The following NBEA variants were observed in gnomAD, a reference collection of about 807,000 sequenced individuals.
NBEA encodes lysosomal-trafficking regulator 2.
In NBEA, 44 loss-of-function variants were observed where a neutral mutation model predicts 343.4. That is an observed-to-expected ratio of 0.13 (90% confidence interval 0.10 to 0.16). The LOEUF is 0.16. Among genes scored for constraint, NBEA ranks in the 10% least tolerant of loss-of-function variants. The probability of loss-of-function intolerance (pLI) is 1.00; values close to 1 mark genes in which losing one functional copy is unlikely to be tolerated. For missense variants in NBEA, 2,555 were observed against 3,631.3 expected, an observed-to-expected ratio of 0.70 and a Z score of 7.62; for synonymous variants, 1,175 against 1,238.7, an observed-to-expected ratio of 0.95 and a Z score of 1.08.
chr13:35,353,588 C>G (rs921688980), intron 38 of NBEA, among the ~76,000 whole-genome samples: 11 of 152,154 alleles, frequency 7.2e-5, no homozygotes, highest in African/African-American at 2.4e-4. Flanking sequence ...TTAAAATAGT[C>G]AGCATTTAAT....
intron 24 of NBEA, chr13:35,165,106 G>A (rs150919733): frequency 1.1e-4 from 61 of 533,886 alleles, no homozygotes; most frequent in Admixed American, 4.5e-4. Context: ...TCTTGTTGCC[G>A]TATTAGAAAC....
At chr13:35,136,851 A>T (rs989149062) in intron 17 of NBEA, among the ~76,000 whole-genome samples, 1 of 152,240 alleles carries the variant, frequency 6.6e-6, no homozygotes, top group Non-Finnish European at 1.5e-5. Flanking sequence ...AGTCAAAAGA[A>T]AAACCACAAA....
At chr13:35,367,907 GA>G (rs1192511680) in intron 38 of NBEA, among the ~76,000 whole-genome samples, 2 of 151,384 alleles carry the variant, frequency 1.3e-5, no homozygotes, top group Admixed American at 6.6e-5. Flanking sequence ...ACATGCATAC[GA>G]AGTGGACAAC....
intron 35 of NBEA, among the ~76,000 whole-genome samples, chr13:35,303,221 A>G (rs1473355350): frequency 6.6e-6 from 1 of 152,128 alleles, no homozygotes; most frequent in Non-Finnish European, 1.5e-5. Flanking sequence ...TTCGTTTTCT[A>G]TAGGATTAAA....
At chr13:34,956,981 T>G (rs772233240) in intron 1 of NBEA, among the ~76,000 whole-genome samples, 1 of 152,052 alleles carries the variant, frequency 6.6e-6, no homozygotes. Context: ...TCAGATTCTT[T>G]AGTTCTGTTT....
intron 38 of NBEA, among the ~76,000 whole-genome samples, chr13:35,420,155 C>G (rs2152922914): frequency 6.6e-6 from 1 of 152,042 alleles, no homozygotes; most frequent in East Asian, 1.9e-4. Flanking sequence ...AATTTCAGTA[C>G]TCTGTTGAGT....
intron 34 of NBEA, among the ~76,000 whole-genome samples, chr13:35,274,843 A>G (rs950793605): frequency 3.3e-5 from 5 of 152,344 alleles, no homozygotes; most frequent in African/African-American, 9.6e-5. Flanking sequence ...CCACTGCTCA[A>G]TGAAATAAAA....
chr13:35,117,422 C>T lies in NBEA; in HGVS notation c.2011C>T (p.Arg671Trp), dbSNP rs906993981. ...GITPKGLDGP[R>W]PSQKEIISLR... ...TTTCTGTTTTGTTCTAGATGGTCCC[C>T]GGCCATCACAAAAAGAAATTATATC... The change falls in exon 14 of 59, where the codon CGG becomes TGG. Residue 671 changes from arginine to tryptophan, a missense_variant. By Grantham distance (101) the Arg-to-Trp change is moderately radical. Around this residue, in one of 21 missense-constraint regions of NBEA, gnomAD observed 360 missense variants for 519.1 expected, o/e 0.69. Transcript: ENST00000379939. 6.6e-6 allele frequency: 9 copies of T among 1,367,410 alleles called. No individual in the cohort carries two copies. The highest frequency in any genetic ancestry group is 2.0e-5 in the South Asian group (1 of 48,796). 84.7% of individuals were successfully genotyped at this position (1,367,410 alleles called of 1,614,324 possible).
chr13:35,161,094 C>T (rs1198707894), intron 22 of NBEA, among the ~76,000 whole-genome samples: 1 of 152,058 alleles, frequency 6.6e-6, no homozygotes, highest in East Asian at 1.9e-4. Context: ...GTGGCAGTTG[C>T]ATTGTAGTGA....
At chr13:35,511,930 T>G (rs891855788) in intron 41 of NBEA, among the ~76,000 whole-genome samples, 3 of 152,194 alleles carry the variant, frequency 2.0e-5, no homozygotes, top group African/African-American at 7.2e-5. Context: ...TGTCAGTACC[T>G]CTACTGAAAG....
At chr13:35,148,445 C>T (rs2068573387) in intron 18 of NBEA, among the ~76,000 whole-genome samples, 1 of 152,158 alleles carries the variant, frequency 6.6e-6, no homozygotes, top group Admixed American at 6.5e-5. Context: ...CACTGCTCTA[C>T]AGCAGCACAG....
intron 17 of NBEA, among the ~76,000 whole-genome samples, chr13:35,129,406 T>C (rs572826039): frequency 1.6e-4 from 25 of 152,152 alleles, no homozygotes; most frequent in Middle Eastern, 6.8e-3. Context: ...AACAAGACTT[T>C]AAAAACAAGG....
At chr13:35,424,149 C>A (rs148362149) in intron 38 of NBEA, among the ~76,000 whole-genome samples, 26 of 152,294 alleles carry the variant, frequency 1.7e-4, no homozygotes, top group African/African-American at 5.5e-4. Flanking sequence ...ATTTCCTTCT[C>A]CTGCCTGATT....
In NBEA at chr13:35,547,990, A is replaced by G. The variant is rs141751066; in HGVS notation, c.6586-2487A>G. On this transcript the variant is annotated intron_variant, in intron 41 of 58. Coordinates refer to ENST00000379939, the MANE Select transcript of NBEA (RefSeq NM_001385012.1). The stretch of plus-strand genomic sequence containing the variant: ...TCGGGGTGAGGGAAGTACTGAGAAA[A>G]CTGCTGGTCACTGGGTGCTGGGAGC... 5.3e-5 allele frequency among the ~76,000 whole-genome samples: 8 copies of G among 152,190 alleles called. No homozygotes were observed. In the East Asian group the frequency reaches 1.5e-3, roughly 29 times the overall value.
Position 35,507,784 on chromosome 13 carries a change from C to T in NBEA, c.6585+35248C>T, listed in dbSNP as rs559975648. 2.0e-5 allele frequency among the ~76,000 whole-genome samples: 3 copies of T among 152,098 alleles called. No individual in the cohort carries two copies. In the South Asian group the frequency reaches 6.2e-4, roughly 32 times the overall value. On this transcript the variant is annotated intron_variant, in intron 41 of 58. Coordinates refer to ENST00000379939, the MANE Select transcript of NBEA (RefSeq NM_001385012.1). ...GGGTATTCTTTAATTTTGAATGCAC[C>T]CCGTACAATGAAATACTCAGAAATG...
chr13:35,023,338 C>G (rs2061910788), intron 1 of NBEA, among the ~76,000 whole-genome samples: 1 of 152,000 alleles, frequency 6.6e-6, no homozygotes, highest in Non-Finnish European at 1.5e-5. Context: ...AGGTCAGATG[C>G]CTAAGGAGAT....
At chr13:35,475,468 G>A (rs1168922833) in intron 41 of NBEA, 1 of 1,612,438 alleles carries the variant, frequency 6.2e-7, no homozygotes, top group Non-Finnish European at 8.5e-7. Flanking sequence ...GCTCTCCGCC[G>A]AGCTCTGCTT....
At chr13:35,357,648 C>A (rs959235526) in intron 38 of NBEA, among the ~76,000 whole-genome samples, 17 of 152,102 alleles carry the variant, frequency 1.1e-4, no homozygotes, top group African/African-American at 4.1e-4. Flanking sequence ...GTTATGGCTG[C>A]ATAGTATTCC....
intron 47 of NBEA, among the ~76,000 whole-genome samples, chr13:35,594,246 T>G (rs575641094): frequency 1.3e-5 from 2 of 152,206 alleles, no homozygotes; most frequent in African/African-American, 4.8e-5. Context: ...TGTCACTCAG[T>G]ACAAAAATGT....
Sources: gnomAD v4.1 joint callset for allele counts (sites outside exome capture counted in the v4.1 genomes callset) on GRCh38, gnomAD v4.1.1 for gene constraint, gnomAD v4.1.1 regional missense constraint, MANE v1.5 for transcripts, NCBI Gene and HGNC (gene_info 2026-07-23, HGNC 2026-07-21) for gene names.